The following BMPR1B variants were observed in gnomAD, a reference collection of about 807,000 sequenced individuals.
BMPR1B encodes the protein bone morphogenetic protein receptor type-1B.
Under a neutral mutation model 59.1 loss-of-function variants are expected in BMPR1B, and 12 were observed. The observed-to-expected ratio is 0.20, with a 90% CI of 0.13 to 0.33. The LOEUF (loss-of-function observed/expected upper bound fraction) is 0.33, where lower values mean the gene tolerates loss of function less well. Ranked by LOEUF, BMPR1B falls within the 10% of genes least tolerant of loss-of-function variation. The pLI is 1.00. For missense variants in BMPR1B, 550 were observed against 610.9 expected (o/e 0.90, Z 1.05); for synonymous variants, 237 against 207.3 (o/e 1.14, Z -1.23).
At chr4:94,987,408 T>G (rs568956787) in intron 2 of BMPR1B, among the ~76,000 whole-genome samples, 3 of 152,052 alleles carry the variant, frequency 2.0e-5, no homozygotes, top group East Asian at 3.9e-4. Flanking sequence ...TCCACATTCC[T>G]GTTTTCACTG....
chr4:94,970,224 T>G (rs1031422415), intron 2 of BMPR1B, among the ~76,000 whole-genome samples: 10 of 151,426 alleles, frequency 6.6e-5, no homozygotes, highest in Admixed American at 5.9e-4. Flanking sequence ...AAGATCTTAC[T>G]TCAGCTGTTT....
chr4:95,129,796 GA>G (rs1296923193), intron 8 of BMPR1B, 65 bp from the exon 9 acceptor site: 6 of 1,536,126 alleles, frequency 3.9e-6, no homozygotes, highest in Admixed American at 3.5e-5. Flanking sequence ...CTTCTCTGGA[GA>G]AAAAAAGATT....
chr4:94,798,169 A>G (rs1236566840), intron 1 of BMPR1B, among the ~76,000 whole-genome samples: 2 of 152,196 alleles, frequency 1.3e-5, no homozygotes, highest in Non-Finnish European at 1.5e-5. Context: ...AAACCCAGAG[A>G]GTCTGTTGTC....
At chr4:94,885,569 G>C (rs1560531851) in intron 2 of BMPR1B, among the ~76,000 whole-genome samples, 3 of 151,870 alleles carry the variant, frequency 2.0e-5, no homozygotes, top group Admixed American at 6.6e-5. Flanking sequence ...AAACTTCAGG[G>C]AAAAAAAGAC....
chr4:95,130,939 A>G lies in BMPR1B; in HGVS notation c.779-276A>G, dbSNP rs1417222530. Reference sequence around the variant, plus strand: ...GAGATGGGGTTTCACCATGTTGACCAGAGTGGTCTTGAACTCCTGACCTCA... The same window carrying G: ...GAGATGGGGTTTCACCATGTTGACCGGAGTGGTCTTGAACTCCTGACCTCA... On this transcript the variant is annotated intron_variant, in intron 9 of 12. Coordinates refer to ENST00000515059, the MANE Select transcript of BMPR1B (RefSeq NM_001203.3). Among the ~76,000 whole-genome samples the G allele has an allele frequency of 3.9e-5, 6 of 152,050 alleles. No individual in the cohort carries two copies. In the East Asian group the frequency reaches 1.2e-3, roughly 30 times the overall value.
chr4:94,931,290 C>G (rs1311384608), intron 2 of BMPR1B, among the ~76,000 whole-genome samples: 1 of 152,002 alleles, frequency 6.6e-6, no homozygotes, highest in African/African-American at 2.4e-5. Flanking sequence ...AATAATAGAG[C>G]AAAATATTGT....
At chr4:95,030,257 G>A (rs1490031907) in intron 3 of BMPR1B, among the ~76,000 whole-genome samples, 3 of 152,188 alleles carry the variant, frequency 2.0e-5, no homozygotes, top group Non-Finnish European at 4.4e-5. Context: ...TAGGTCTAAT[G>A]TTTAAGTCTT....
chr4:94,787,491 A>G (rs1202311164), intron 1 of BMPR1B, among the ~76,000 whole-genome samples: 1 of 152,198 alleles, frequency 6.6e-6, no homozygotes, highest in Non-Finnish European at 1.5e-5. Context: ...AAGGACAGTG[A>G]GAGGAGTCGA....
chr4:95,042,865 C>G (rs1239164057), intron 3 of BMPR1B, among the ~76,000 whole-genome samples: 2 of 152,110 alleles, frequency 1.3e-5, no homozygotes, highest in East Asian at 3.9e-4. Flanking sequence ...ATGGTTTACT[C>G]TGTAATGATT....
intron 3 of BMPR1B, among the ~76,000 whole-genome samples, chr4:95,000,670 A>ATT (rs1722382309): frequency 6.6e-6 from 1 of 152,110 alleles, no homozygotes; most frequent in Admixed American, 6.6e-5. Context: ...TGGACGTAGA[A>ATT]ATATACCAAG....
intron 2 of BMPR1B, among the ~76,000 whole-genome samples, chr4:94,950,604 G>A (rs145859165): frequency 0.043 from 6,506 of 152,138 alleles, 347 homozygotes; most frequent in African/African-American, 0.12. Flanking sequence ...GGTTGTAGAT[G>A]TGTGGTGTTG....
chr4:94,914,230 C>T (rs1728395024), intron 2 of BMPR1B, among the ~76,000 whole-genome samples: 1 of 152,028 alleles, frequency 6.6e-6, no homozygotes, highest in Non-Finnish European at 1.5e-5. Context: ...TCGAAGATGC[C>T]TTCTAGATTT....
At chr4:95,064,001 G>C (rs998544903) in intron 3 of BMPR1B, among the ~76,000 whole-genome samples, 1 of 152,112 alleles carries the variant, frequency 6.6e-6, no homozygotes, top group African/African-American at 2.4e-5. Flanking sequence ...GTTTGGCAAG[G>C]ATGTGGAGAA....
intron 1 of BMPR1B, among the ~76,000 whole-genome samples, chr4:94,866,175 T>A (rs1267601111): frequency 1.3e-5 from 2 of 152,204 alleles, no homozygotes; most frequent in East Asian, 3.9e-4. Flanking sequence ...ACTTAGGAGT[T>A]ATGTCACCAT....
chr4:94,944,070 A>G (rs1729616109), intron 2 of BMPR1B, among the ~76,000 whole-genome samples: 2 of 152,140 alleles, frequency 1.3e-5, no homozygotes, highest in African/African-American at 4.8e-5. Flanking sequence ...TTAAAATATT[A>G]TATAAAATTA....
chr4:95,120,592 A>G (rs975684428), intron 6 of BMPR1B, among the ~76,000 whole-genome samples: 8 of 110,976 alleles, frequency 7.2e-5, no homozygotes, highest in Non-Finnish European at 1.2e-4. Context: ...TATACAAAAA[A>G]TCAGTCAATA....
At chr4:94,959,611 A>G (rs1231261639) in intron 2 of BMPR1B, among the ~76,000 whole-genome samples, 1 of 152,180 alleles carries the variant, frequency 6.6e-6, no homozygotes, top group African/African-American at 2.4e-5. Flanking sequence ...CTTTATAAGG[A>G]CAGCATTTTT....
intron 2 of BMPR1B, among the ~76,000 whole-genome samples, chr4:94,878,902 A>G (rs570204774): frequency 1.3e-5 from 2 of 152,246 alleles, no homozygotes; most frequent in Non-Finnish European, 1.5e-5. Flanking sequence ...TGACTCATTT[A>G]TATCAAATAT....
intron 3 of BMPR1B, among the ~76,000 whole-genome samples, chr4:95,076,643 A>G (rs1014449743): frequency 6.6e-6 from 1 of 152,118 alleles, no homozygotes; most frequent in Non-Finnish European, 1.5e-5. Context: ...ACAGCTAATT[A>G]TCCAAGTAAT....
Sources: gnomAD v4.1 joint callset for allele counts (sites outside exome capture counted in the v4.1 genomes callset) on GRCh38, gnomAD v4.1.1 for gene constraint, MANE v1.5 for transcripts, NCBI Gene and HGNC (gene_info 2026-07-23, HGNC 2026-07-21) for gene names.